The following DRC9 variants were observed in gnomAD, a reference collection of about 807,000 sequenced individuals.
DRC9 encodes dynein regulatory complex protein 9.
the DRC9 span, chr3:197,889,504 T>A: frequency 6.6e-7 from 1 of 1,516,168 alleles, no homozygotes; most frequent in Non-Finnish European, 9.1e-7. Context: ...ATCTTTGAGG[T>A]ACCAGGTGTT....
At chr3:197,924,594 A>T in the DRC9 span, among the ~76,000 whole-genome samples, 2 of 151,760 alleles carry the variant, frequency 1.3e-5, no homozygotes, top group Non-Finnish European at 2.9e-5. Context: ...GTCTTGGCTC[A>T]CTGCAACCTC....
the DRC9 span, among the ~76,000 whole-genome samples, chr3:197,932,960 T>C: frequency 1.6e-4 from 23 of 139,910 alleles, no homozygotes; most frequent in Non-Finnish European, 2.9e-4. Context: ...TTATATATTA[T>C]TATATATTAT....
chr3:197,951,187 T>C, the DRC9 span: 6 of 1,614,238 alleles, frequency 3.7e-6, no homozygotes, highest in Non-Finnish European at 5.1e-6. Context: ...TTTTGCTGGC[T>C]ATAAGCGGGG....
At chr3:197,930,512 G>A in the DRC9 span, among the ~76,000 whole-genome samples, 6 of 151,882 alleles carry the variant, frequency 4.0e-5, no homozygotes, top group African/African-American at 9.7e-5. Context: ...AGGCCGAGGC[G>A]GGTGGGTTGT....
chr3:197,937,883 C>T, the DRC9 span, among the ~76,000 whole-genome samples: 2 of 152,070 alleles, frequency 1.3e-5, no homozygotes, highest in African/African-American at 4.8e-5. Flanking sequence ...TCTATGATCT[C>T]TCCAGTCAAT....
chr3:197,954,349 G>A, the DRC9 span: 1 of 617,606 alleles, frequency 1.6e-6, no homozygotes, highest in Middle Eastern at 4.1e-4. Flanking sequence ...TTTTTTTTGG[G>A]GGGAGACAGG....
At chr3:197,890,773 C>T in the DRC9 span, among the ~76,000 whole-genome samples, 2 of 152,216 alleles carry the variant, frequency 1.3e-5, no homozygotes, top group South Asian at 4.1e-4. Context: ...TTATGGGAAG[C>T]CCAACTTTGG....
the DRC9 span, chr3:197,913,836 TC>T: frequency 6.3e-7 from 1 of 1,592,116 alleles, no homozygotes. Context: ...GAGTGACAGC[TC>T]AATTGCCATC....
At chr3:197,949,735 C>G in the DRC9 span, 3 of 267,632 alleles carry the variant, frequency 1.1e-5, no homozygotes, top group Non-Finnish European at 2.1e-5. Flanking sequence ...TTCGTGCTCC[C>G]GGCCTTTCTC....
chr3:197,946,678 A>G, the DRC9 span, among the ~76,000 whole-genome samples: 2 of 152,322 alleles, frequency 1.3e-5, no homozygotes, highest in South Asian at 4.1e-4. Flanking sequence ...CTCTTGCAAC[A>G]AAAATCTTAC....
the DRC9 span, among the ~76,000 whole-genome samples, chr3:197,904,097 TATATATATATATA>T: frequency 2.4e-4 from 11 of 46,526 alleles, no homozygotes; most frequent in South Asian, 8.3e-4. Flanking sequence ...CATATATATA[TATATATATATATA>T]TTTTTTTTTT....
chr3:197,946,114 GAATAAGTGAGATGA>G, the DRC9 span, among the ~76,000 whole-genome samples: 1 of 152,096 alleles, frequency 6.6e-6, no homozygotes, highest in African/African-American at 2.4e-5. Context: ...GGACTTAGAG[GAATAAGTGAGATGA>G]CACTTAGAAA....
the DRC9 span, among the ~76,000 whole-genome samples, chr3:197,905,583 T>TA: frequency 6.6e-6 from 1 of 151,132 alleles, no homozygotes. Flanking sequence ...CTGTCTCCAC[T>TA]AAAAAAAATA....
At chr3:197,909,126 G>A in the DRC9 span, among the ~76,000 whole-genome samples, 1 of 152,180 alleles carries the variant, frequency 6.6e-6, no homozygotes. Flanking sequence ...TTCTTTCCCT[G>A]TGAGTGCTCT....
chr3:197,935,703 G>A, the DRC9 span, among the ~76,000 whole-genome samples: 1 of 151,750 alleles, frequency 6.6e-6, no homozygotes, highest in African/African-American at 2.4e-5. Flanking sequence ...GGCTGGTCTT[G>A]AACTCCTAGC....
the DRC9 span, among the ~76,000 whole-genome samples, chr3:197,917,437 C>A: frequency 1.3e-5 from 2 of 152,208 alleles, no homozygotes; most frequent in African/African-American, 4.8e-5. Flanking sequence ...AGATCGGAAT[C>A]ATTCCTAAGA....
chr3:197,935,968 C>T, the DRC9 span, among the ~76,000 whole-genome samples: 1 of 151,990 alleles, frequency 6.6e-6, no homozygotes, highest in African/African-American at 2.4e-5. Context: ...AGATTTGTGG[C>T]CTGGCGCGGT....
At chr3:197,954,490 C>T in the DRC9 span, 1 of 359,208 alleles carries the variant, frequency 2.8e-6, no homozygotes, top group South Asian at 2.5e-5. Context: ...TGTGCCACCA[C>T]ACCCAGCTAA....
chr3:197,954,335 TG>T, the DRC9 span: 2 of 681,206 alleles, frequency 2.9e-6, no homozygotes, highest in Non-Finnish European at 5.0e-6. Context: ...GTTTGTTTTT[TG>T]TTTTTTTTTT....
Sources: gnomAD v4.1 joint callset for allele counts (sites outside exome capture counted in the v4.1 genomes callset) on GRCh38, gnomAD v4.1.1 for gene constraint, MANE v1.5 for transcripts, NCBI Gene and HGNC (gene_info 2026-07-23, HGNC 2026-07-21) for gene names.